The following PRDM12 variants were observed in gnomAD, a reference collection of about 807,000 sequenced individuals.
The protein encoded by PRDM12 is PR domain zinc finger protein 12.
A neutral mutation model predicts 29.6 loss-of-function variants in PRDM12; 17 were observed. That is an observed-to-expected ratio of 0.57 (90% CI 0.39 to 0.86). PRDM12 has a LOEUF of 0.86. PRDM12 is among the 40% of genes least tolerant of loss of function. The pLI is 0.00. For synonymous variants in PRDM12, 231 were observed against 225.8 expected (o/e 1.02, Z -0.21); for missense variants, 422 against 510.8 (o/e 0.83, Z 1.68).
chr9:130,675,343 T>C (rs1830832128), intron 3 of PRDM12, among the ~76,000 whole-genome samples: 1 of 152,214 alleles, frequency 6.6e-6, no homozygotes, highest in African/African-American at 2.4e-5. Flanking sequence ...CTGGAGGAGT[T>C]GGTTTCCCTT....
rs1830758909 is a variant in PRDM12 at position 130,668,766 on chromosome 9, C to T, written c.570+453C>T. 6.6e-6 allele frequency among the ~76,000 whole-genome samples: 1 copy of T among 151,300 alleles called. No individual in the cohort carries two copies. The highest frequency in any genetic ancestry group is 6.6e-5 in the Admixed American group (1 of 15,244). ...ATTCTGCATGCATGGGCACCAGTGG[C>T]TTACGGCTCATGACTCCAGACTCAG... is the stretch of plus-strand genomic sequence containing the variant. On this transcript the variant is annotated intron_variant, in intron 3 of 4. Transcript: ENST00000253008. The surrounding 1 kb of genome is among the most constrained non-coding windows in gnomAD (Gnocchi z 4.0).
rs936828567 is a variant in PRDM12 at position 130,668,219 on chromosome 9, G to A, written c.476G>A (p.Ser159Asn). ...GATGCCAGCCAGGAGGACCACCGGA[G>A]CTGGATGACCTACATCAAGTGTGCA... ...FIDASQEDHR[S>N]WMTYIKCARN... is the part of the protein sequence containing the mutation. The change falls in exon 3 of 5, where the codon AGC becomes AAC. Residue 159 changes from serine (S) to asparagine (N), a missense_variant. Coordinates refer to ENST00000253008, the MANE Select transcript of PRDM12 (RefSeq NM_021619.3). The surrounding 1 kb of genome is among the most constrained non-coding windows in gnomAD (Gnocchi z 4.0). 1.2e-6 allele frequency: 2 copies of A among 1,614,242 alleles called. No individual in the cohort carries two copies. The highest frequency in any genetic ancestry group is 8.5e-7 in the Non-Finnish European group (1 of 1,180,054).
chr9:130,667,193 A>G (rs895683254), intron 2 of PRDM12, among the ~76,000 whole-genome samples: 6 of 152,136 alleles, frequency 3.9e-5, no homozygotes, highest in Non-Finnish European at 8.8e-5. Flanking sequence ...AAGCCCCTCA[A>G]GGCCAGTCCT....
rs1252670139 is a variant in PRDM12, at chr9:130,681,562, C to T, written c.997C>T (p.His333Tyr). 7.0e-5 allele frequency: 86 copies of T among 1,222,290 alleles called. No homozygotes were observed. The highest frequency in any genetic ancestry group is 8.7e-5 in the Non-Finnish European group (85 of 982,002). 75.7% of individuals were successfully genotyped at this position (1,222,290 alleles called of 1,614,324 possible). A position where few individuals can be genotyped will look rare whatever the true frequency, so the allele number is the denominator to read the frequency against. Residue 333 changes from histidine (H) to tyrosine (Y), a missense_variant, in exon 5 of 5, where the codon CAC becomes TAC. Around this residue, in one of 5 missense-constraint regions of PRDM12, gnomAD observed 66 missense variants for 61.5 expected, o/e 1.07. Transcript: ENST00000253008. This position sits in a 1 kb window ranked among gnomAD's most constrained non-coding sequence, Gnocchi z 8.1. ...HRPPSTALQA[H>Y]SPALPAPHAH... ...GCCGCCCAGCACCGCGCTGCAGGCACACTCGCCCGCGCTGCCCGCCCCGCA... is the reference window on the plus strand; with the variant it reads ...GCCGCCCAGCACCGCGCTGCAGGCATACTCGCCCGCGCTGCCCGCCCCGCA...
At chr9:130,672,835 T>G (rs898076442) in intron 3 of PRDM12, among the ~76,000 whole-genome samples, 11 of 152,144 alleles carry the variant, frequency 7.2e-5, no homozygotes, top group Admixed American at 7.2e-4. Context: ...GGGAGCATGT[T>G]CAGTGGCAGG....
chr9:130,679,282 G>C (rs1830871302), intron 4 of PRDM12, among the ~76,000 whole-genome samples: 1 of 150,910 alleles, frequency 6.6e-6, no homozygotes, highest in Admixed American at 6.6e-5. Context: ...ATCCCACTGG[G>C]TATTCATAAA....
At chr9:130,667,566 A>C (rs1830745679) in intron 2 of PRDM12, among the ~76,000 whole-genome samples, 2 of 151,358 alleles carry the variant, frequency 1.3e-5, no homozygotes, top group African/African-American at 2.4e-5. Context: ...GCCCAACTTG[A>C]TAGAACTGCG....
rs1830919128 is a variant in PRDM12 at position 130,682,838 on chromosome 9, G to T, written c.*1169G>T. 6.6e-6 allele frequency: 1 copy of T among 152,634 alleles called. No homozygotes were observed. Among genetic ancestry groups the T allele is most frequent in the Non-Finnish European group, 1.5e-5 (1 of 68,054 alleles). The allele number at this position is 152,634 out of a possible 1,614,324, so 9.5% of individuals were successfully genotyped here. A position where few individuals can be genotyped will look rare whatever the true frequency, so the allele number is the denominator to read the frequency against. ...TTCAAGAAACTGCGTTCTACTTCCA[G>T]AAGATGGTCACTTTAACCTTGTAAA... On this transcript the variant is annotated 3_prime_UTR_variant, in exon 5 of 5. Coordinates refer to ENST00000253008, the MANE Select transcript of PRDM12 (RefSeq NM_021619.3). This position sits in a 1 kb window ranked among gnomAD's most constrained non-coding sequence, Gnocchi z 4.2.
Position 130,680,656 on chromosome 9 carries a change from TATA to T in PRDM12, c.683-591_683-589del, listed in dbSNP as rs1413523337. On this transcript the variant is annotated intron_variant, in intron 4 of 4. Coordinates refer to ENST00000253008, the MANE Select transcript of PRDM12 (RefSeq NM_021619.3). ...AAAAATATATATATATATATATATA[TATA>T]TTTTTTTTTTTTTTAACTGATCCTT... Among the ~76,000 whole-genome samples, 60 of 92,218 alleles carry T rather than the reference TATA, an allele frequency of 6.5e-4. 1 individual carries two copies. The highest frequency in any genetic ancestry group is 2.8e-3 in the South Asian group (8 of 2,866). The allele number at this position is 92,218 out of a possible 152,430, so 60.5% of individuals were successfully genotyped here.
chr9:130,677,287 G>C (rs533045206), intron 3 of PRDM12, among the ~76,000 whole-genome samples: 2 of 152,284 alleles, frequency 1.3e-5, no homozygotes, highest in African/African-American at 4.8e-5. Flanking sequence ...GGTCTTCCAG[G>C]CTCTGACCAG....
chr9:130,678,808 C>T (rs1373198068), intron 4 of PRDM12, among the ~76,000 whole-genome samples, 168 bp downstream of exon 4: 1 of 152,096 alleles, frequency 6.6e-6, no homozygotes, highest in Non-Finnish European at 1.5e-5. Context: ...GAGGCTGATG[C>T]CCCTGGAGCT....
At chr9:130,675,639 T>G (rs903427175) in intron 3 of PRDM12, among the ~76,000 whole-genome samples, 2 of 152,218 alleles carry the variant, frequency 1.3e-5, no homozygotes, top group Non-Finnish European at 2.9e-5. Flanking sequence ...TTTATGCATA[T>G]GCTCCACTGC....
intron 3 of PRDM12, among the ~76,000 whole-genome samples, chr9:130,673,482 C>T (rs1291086405): frequency 1.3e-5 from 2 of 151,978 alleles, no homozygotes; most frequent in African/African-American, 4.8e-5. Context: ...AAATATGTGT[C>T]ATTCTCAATT....
chr9:130,665,012 G>A, intron 1 of PRDM12, 136 bp downstream of exon 1: 1 of 882,936 alleles, frequency 1.1e-6, no homozygotes, highest in Non-Finnish European at 1.7e-6. Flanking sequence ...CCGGCGCTCG[G>A]TGCACCTCAG....
intron 3 of PRDM12, among the ~76,000 whole-genome samples, chr9:130,674,488 T>C (rs1005866425): frequency 1.9e-5 from 2 of 105,072 alleles, no homozygotes; most frequent in Non-Finnish European, 3.8e-5. Context: ...TTTTAAAAGA[T>C]AATTTGTGTG....
At chr9:130,665,631 A>G (rs1830726113) in intron 1 of PRDM12, among the ~76,000 whole-genome samples, 1 of 152,196 alleles carries the variant, frequency 6.6e-6, no homozygotes, top group African/African-American at 2.4e-5. Flanking sequence ...ATTGAGCTAC[A>G]ATTTACTGCT....
In PRDM12 at chr9:130,668,366, G is replaced by A. The variant is rs1256092103; in HGVS notation, c.570+53G>A. On this transcript the variant is annotated intron_variant, in intron 3 of 4. Transcript: ENST00000253008. The surrounding 1 kb of genome is among the most constrained non-coding windows in gnomAD (Gnocchi z 4.0). ...TAGGGACCAGCCGGTAAACCCGGCG[G>A]GGGGAGGTGTGCAGGGCAGCGGTGT... 1 of 1,606,106 alleles carries A rather than the reference G, an allele frequency of 6.2e-7. No homozygotes were observed. Among genetic ancestry groups the A allele is most frequent in the Non-Finnish European group, 8.5e-7 (1 of 1,174,172 alleles).
chr9:130,674,800 A>G (rs929029740), intron 3 of PRDM12, among the ~76,000 whole-genome samples: 11 of 152,188 alleles, frequency 7.2e-5, no homozygotes, highest in Non-Finnish European at 1.6e-4. Context: ...TTCATTAGTA[A>G]AATTAATTTT....
intron 3 of PRDM12, among the ~76,000 whole-genome samples, chr9:130,674,271 C>A (rs978292905): frequency 1.2e-4 from 18 of 151,946 alleles, no homozygotes; most frequent in South Asian, 1.0e-3. Flanking sequence ...CCTCGGCCCC[C>A]CAAAGTGCTG....
Sources: allele counts gnomAD v4.1 joint callset (sites outside exome capture counted in the v4.1 genomes callset), GRCh38; gene constraint gnomAD v4.1.1; regional missense constraint gnomAD v4.1.1; non-coding constraint Gnocchi (gnomAD v3.1); transcripts MANE v1.5; gene names NCBI Gene and HGNC (gene_info 2026-07-23, HGNC 2026-07-21).